Variants in CEP112 observed in about 807,000 individuals in gnomAD.
The protein encoded by CEP112 is centrosomal protein 112, also known as centrosomal protein of 112 kDa.
A neutral mutation model predicts 153.0 loss-of-function variants in CEP112; 127 were observed. The ratio of observed to expected loss-of-function variants is 0.83; its 90% CI spans 0.72 to 0.96. The LOEUF (loss-of-function observed/expected upper bound fraction) is 0.96. Ranked by LOEUF, CEP112 falls within the 40% of genes least tolerant of loss-of-function variation. The pLI, the probability that CEP112 is intolerant of heterozygous loss-of-function variation, is 0.00. For synonymous variants in CEP112, 358 were observed against 374.4 expected, an observed-to-expected ratio of 0.96 and a Z score of 0.51; for missense variants, 1,089 against 1,101.2, an observed-to-expected ratio of 0.99 and a Z score of 0.16.
chr17:65,724,304 G>A (rs183015706), intron 23 of CEP112, among the ~76,000 whole-genome samples: 9 of 152,214 alleles, frequency 5.9e-5, no homozygotes, highest in Admixed American at 5.9e-4. Flanking sequence ...CATGATATAT[G>A]TGTACTACTA....
At chr17:65,799,344 C>T (rs2055125475) in intron 21 of CEP112, among the ~76,000 whole-genome samples, 2 of 152,176 alleles carry the variant, frequency 1.3e-5, no homozygotes, top group African/African-American at 4.8e-5. Flanking sequence ...GATCCTCTAC[C>T]TTACCCACAT....
intron 18 of CEP112, among the ~76,000 whole-genome samples, chr17:65,937,161 C>T (rs1399295821): frequency 6.8e-6 from 1 of 147,314 alleles, no homozygotes; most frequent in Non-Finnish European, 1.5e-5. Context: ...GATCTCGGCT[C>T]GCTGCAACCT....
At chr17:65,660,383 C>G (rs2046309317) in intron 24 of CEP112, among the ~76,000 whole-genome samples, 2 of 128,190 alleles carry the variant, frequency 1.6e-5, no homozygotes, top group Non-Finnish European at 3.2e-5. Flanking sequence ...TCCTTCCTTC[C>G]TTCCTCCCTC....
At chr17:65,730,549 G>A (rs942005935) in intron 23 of CEP112, among the ~76,000 whole-genome samples, 1 of 152,072 alleles carries the variant, frequency 6.6e-6, no homozygotes, top group African/African-American at 2.4e-5. Flanking sequence ...CACTTTCCTT[G>A]TGCCCTACGG....
At chr17:65,956,686 T>G (rs1338238623) in intron 18 of CEP112, among the ~76,000 whole-genome samples, 1 of 152,044 alleles carries the variant, frequency 6.6e-6, no homozygotes, top group Non-Finnish European at 1.5e-5. Flanking sequence ...TATACACCGC[T>G]AGGGTGATGG....
chr17:66,088,888 C>T (rs192937825), intron 8 of CEP112, among the ~76,000 whole-genome samples: 95 of 152,266 alleles, frequency 6.2e-4, no homozygotes, highest in South Asian at 5.8e-3. Context: ...ATCCCAGAAC[C>T]TGTCTGGCCC....
chr17:65,944,782 G>T (rs1230988073), intron 18 of CEP112, among the ~76,000 whole-genome samples: 2 of 151,788 alleles, frequency 1.3e-5, no homozygotes, highest in African/African-American at 4.8e-5. Context: ...TCAAGATAGG[G>T]GGTCTCCTTC....
chr17:65,940,956 G>T (rs147002557), intron 18 of CEP112, among the ~76,000 whole-genome samples: 5,839 of 152,184 alleles, frequency 0.038, 164 homozygotes, highest in South Asian at 0.11. Flanking sequence ...TACATTGTGT[G>T]CATGTGTGCA....
intron 4 of CEP112, among the ~76,000 whole-genome samples, chr17:66,152,649 C>A (rs917535115): frequency 6.6e-6 from 1 of 152,108 alleles, no homozygotes; most frequent in African/African-American, 2.4e-5. Flanking sequence ...ACTATGCATT[C>A]ATCCACAGAT....
At chr17:66,078,918 T>G (rs563454655) in intron 8 of CEP112, among the ~76,000 whole-genome samples, 3 of 152,278 alleles carry the variant, frequency 2.0e-5, no homozygotes, top group East Asian at 3.9e-4. Context: ...TCTTGGCTGA[T>G]AATTGTTTTG....
At chr17:65,638,292 C>G (rs1449917188) in intron 25 of CEP112, among the ~76,000 whole-genome samples, 2 of 152,206 alleles carry the variant, frequency 1.3e-5, no homozygotes, top group African/African-American at 4.8e-5. Context: ...TTCAAAAGCA[C>G]CTTACACAAC....
chr17:65,863,495 C>T (rs539787115), intron 20 of CEP112, among the ~76,000 whole-genome samples: 3 of 152,102 alleles, frequency 2.0e-5, no homozygotes, highest in African/African-American at 7.2e-5. Flanking sequence ...GGGCCGGGCG[C>T]GGTGGCTCAC....
intron 12 of CEP112, among the ~76,000 whole-genome samples, chr17:66,046,045 T>G (rs2066189418): frequency 6.6e-6 from 1 of 151,856 alleles, no homozygotes; most frequent in Non-Finnish European, 1.5e-5. Context: ...TTTTTTTTTC[T>G]TTTTCTTTTT....
rs3074178 is a variant in CEP112, at chr17:65,704,420, T to TACACACACACACACACACACACAC, written c.2608-15226_2608-15203dup. 2.0e-5 allele frequency among the ~76,000 whole-genome samples: 3 copies of TACACACACACACACACACACACAC among 147,798 alleles called. No individual in the cohort carries two copies. In the East Asian group the frequency reaches 6.0e-4, roughly 30 times the overall value. On this transcript the variant is annotated intron_variant, in intron 23 of 26. Transcript: ENST00000535342. ...ATTTTCTCTTGTAAAACGTGTAAAA[T>TACACACACACACACACACACACAC]ACACACACACACACACACACACACA...
chr17:65,837,788 C>A (rs1238612113), intron 21 of CEP112, among the ~76,000 whole-genome samples: 1 of 152,060 alleles, frequency 6.6e-6, no homozygotes, highest in African/African-American at 2.4e-5. Context: ...ATAACCTTAC[C>A]CCCAACCCCG....
rs1468062116 is a variant in CEP112 at position 66,030,024 on chromosome 17, C to G, written c.1219-1G>C. 6.2e-7 allele frequency: 1 copy of G among 1,612,370 alleles called. No individual in the cohort carries two copies. The highest frequency in any genetic ancestry group is 1.1e-5 in the South Asian group (1 of 90,738). ...CCTCCAGTTCTTTGATCATGTGGTT[C>G]TAAAAGAACAGGTCATGGTTAAGAA... is the stretch of plus-strand genomic sequence containing the variant. On this transcript the variant is annotated splice_acceptor_variant, in intron 12 of 26. Coordinates refer to ENST00000535342, the MANE Select transcript of CEP112 (RefSeq NM_001199165.4). LOFTEE classifies it high-confidence loss of function.
At chr17:65,839,423 G>A (rs9894598) in intron 21 of CEP112, among the ~76,000 whole-genome samples, 147,275 of 151,724 alleles carry the variant, frequency 0.97, 71,551 homozygotes, top group East Asian at 1. Flanking sequence ...GGTCACTTTA[G>A]TAGATGCTGA....
chr17:65,946,675 C>A (rs2061658703), intron 18 of CEP112, among the ~76,000 whole-genome samples: 1 of 152,046 alleles, frequency 6.6e-6, no homozygotes, highest in Non-Finnish European at 1.5e-5. Flanking sequence ...GCTTCAGAGT[C>A]CCCCTCTGTT....
intron 23 of CEP112, among the ~76,000 whole-genome samples, chr17:65,738,596 T>C (rs1397243105): frequency 6.6e-6 from 1 of 152,204 alleles, no homozygotes; most frequent in Non-Finnish European, 1.5e-5. Context: ...TTCTGGGTGA[T>C]AGGATTTGGG....
Sources: allele counts gnomAD v4.1 joint callset (sites outside exome capture counted in the v4.1 genomes callset), GRCh38; gene constraint gnomAD v4.1.1; transcripts MANE v1.5; gene names NCBI Gene and HGNC (gene_info 2026-07-23, HGNC 2026-07-21).